GALNTL6: variants seen among roughly 807,000 people sequenced by gnomAD.
GALNTL6 encodes polypeptide N-acetylgalactosaminyltransferase-like 6.
Under a neutral mutation model 73.7 loss-of-function variants are expected in GALNTL6, and 46 were observed. The observed-to-expected ratio is 0.62, with a 90% confidence interval of 0.49 to 0.80. The LOEUF (loss-of-function observed/expected upper bound fraction) is 0.80, where lower values mean the gene tolerates loss of function less well. GALNTL6 is among the 30% of genes least tolerant of loss of function. The pLI, the probability that GALNTL6 is intolerant of heterozygous loss-of-function variation, is 0.00. For missense variants in GALNTL6, 604 were observed against 755.0 expected (o/e 0.80, Z 2.34); for synonymous variants, 259 against 263.7 (o/e 0.98, Z 0.17).
At chr4:172,264,524 T>G (rs1439189318) in intron 3 of GALNTL6, among the ~76,000 whole-genome samples, 1 of 141,062 alleles carries the variant, frequency 7.1e-6, no homozygotes, top group Non-Finnish European at 1.5e-5. Flanking sequence ...ATTATATTTA[T>G]ATTTAAATAA....
Position 172,073,481 on chromosome 4 carries a change from G to A in GALNTL6, c.139-156175G>A, listed in dbSNP as rs541579471. On this transcript the variant is annotated intron_variant, in intron 2 of 12. Transcript: ENST00000506823. ...TATTCAGGTTTTTTGGAATATGGAAGAGTAGGGTGCCTTCTGGAGATAACA... is the reference window on the plus strand; with the variant it reads ...TATTCAGGTTTTTTGGAATATGGAAAAGTAGGGTGCCTTCTGGAGATAACA... Among the ~76,000 whole-genome samples the A allele has an allele frequency of 2.6e-5, 4 of 152,286 alleles. No individual in the cohort carries two copies. The East Asian group carries it at 7.7e-4, about 29-fold the overall frequency.
chr4:171,914,275 G>T (rs1364382678), intron 2 of GALNTL6, among the ~76,000 whole-genome samples: 1 of 151,956 alleles, frequency 6.6e-6, no homozygotes, highest in East Asian at 1.9e-4. Flanking sequence ...TACTTAAAAA[G>T]AAAGAGACCT....
chr4:172,699,230 G>A (rs1206234737), intron 5 of GALNTL6, among the ~76,000 whole-genome samples: 1 of 152,068 alleles, frequency 6.6e-6, no homozygotes, highest in East Asian at 1.9e-4. Context: ...CTGGGGACTA[G>A]GATTTCAACA....
Position 172,831,157 on chromosome 4 carries a change from C to CAA in GALNTL6, c.923+17466_923+17467dup, listed in dbSNP as rs60870698. Among the ~76,000 whole-genome samples, 35 of 63,898 alleles carry CAA rather than the reference C, an allele frequency of 5.5e-4. 1 individual carries two copies. The highest frequency in any genetic ancestry group is 1.9e-3 in the African/African-American group (30 of 16,206). The allele number at this position is 63,898 out of a possible 152,430, so 41.9% of individuals were successfully genotyped here. On this transcript the variant is annotated intron_variant, in intron 7 of 12. Transcript: ENST00000506823. ...TGGGTGACAGAATGAGACTCCCTCT[C>CAA]AAAAAAAAAAAAAAAAAAAAAAAAA...
At chr4:172,390,247 C>G (rs1257414702) in intron 5 of GALNTL6, among the ~76,000 whole-genome samples, 1 of 152,042 alleles carries the variant, frequency 6.6e-6, no homozygotes, top group East Asian at 1.9e-4. Context: ...GCAATTGATG[C>G]TTTTAACATA....
At chr4:172,296,274 A>G (rs1739669194) in intron 3 of GALNTL6, among the ~76,000 whole-genome samples, 1 of 152,202 alleles carries the variant, frequency 6.6e-6, no homozygotes, top group African/African-American at 2.4e-5. Flanking sequence ...TGTATTTATT[A>G]TATTGAATGT....
chr4:172,021,911 T>C (rs1299477446), intron 2 of GALNTL6, among the ~76,000 whole-genome samples: 1 of 152,050 alleles, frequency 6.6e-6, no homozygotes, highest in Non-Finnish European at 1.5e-5. Flanking sequence ...TAGATTCCTA[T>C]GCTTTCCATA....
At chr4:171,847,880 G>A (rs1287874580) in intron 2 of GALNTL6, among the ~76,000 whole-genome samples, 1 of 151,888 alleles carries the variant, frequency 6.6e-6, no homozygotes, top group Non-Finnish European at 1.5e-5. Flanking sequence ...CATGAGCATT[G>A]GAATCAATTT....
intron 5 of GALNTL6, among the ~76,000 whole-genome samples, chr4:172,368,008 T>G (rs1742632438): frequency 6.6e-6 from 1 of 152,228 alleles, no homozygotes; most frequent in Non-Finnish European, 1.5e-5. Context: ...TCAAAATGTG[T>G]CACAGAAATT....
intron 7 of GALNTL6, among the ~76,000 whole-genome samples, chr4:172,841,688 T>A (rs1262095216): frequency 6.6e-6 from 1 of 152,108 alleles, no homozygotes; most frequent in African/African-American, 2.4e-5. Flanking sequence ...CCGTTAGGTC[T>A]CATGAAAATC....
At chr4:173,030,836 C>G (rs1753426588) in intron 12 of GALNTL6, among the ~76,000 whole-genome samples, 1 of 108,272 alleles carries the variant, frequency 9.2e-6, no homozygotes, top group African/African-American at 4.4e-5. Flanking sequence ...CCTGTCTCTA[C>G]CAAAAAAAAA....
chr4:172,908,944 A>T (rs1747054155), intron 8 of GALNTL6, among the ~76,000 whole-genome samples: 2 of 152,042 alleles, frequency 1.3e-5, no homozygotes, highest in Admixed American at 1.3e-4. Flanking sequence ...GAAATAGAAT[A>T]ATAAGAAAAT....
intron 2 of GALNTL6, among the ~76,000 whole-genome samples, chr4:171,904,517 AT>A (rs1009760423): frequency 1.1e-4 from 16 of 152,202 alleles, no homozygotes. Flanking sequence ...TCTGCGTCTG[AT>A]TGGTGTACAT....
chr4:172,398,537 G>A (rs776220321), intron 5 of GALNTL6, among the ~76,000 whole-genome samples: 48 of 152,062 alleles, frequency 3.2e-4, no homozygotes, highest in South Asian at 6.2e-4. Flanking sequence ...CTTTGCAATC[G>A]TTTATTGCTT....
At chr4:172,487,309 T>A in intron 5 of GALNTL6, among the ~76,000 whole-genome samples, 1 of 112,988 alleles carries the variant, frequency 8.9e-6, no homozygotes, top group Non-Finnish European at 2.0e-5. Context: ...TGTCTTTCTT[T>A]CTTTCTTTCT....
chr4:171,987,776 A>G (rs191414238), intron 2 of GALNTL6, among the ~76,000 whole-genome samples: 3,563 of 152,192 alleles, frequency 0.023, 136 homozygotes, highest in African/African-American at 0.079. Context: ...TGGTGGAACC[A>G]CCATCAATAA....
At chr4:172,866,351 T>G (rs1046611827) in intron 7 of GALNTL6, among the ~76,000 whole-genome samples, 4 of 152,054 alleles carry the variant, frequency 2.6e-5, no homozygotes, top group Non-Finnish European at 4.4e-5. Context: ...AGGCTAGGCT[T>G]TGGTGTCACA....
chr4:172,663,483 C>T (rs771364800), intron 5 of GALNTL6, among the ~76,000 whole-genome samples: 5 of 152,180 alleles, frequency 3.3e-5, no homozygotes, highest in Admixed American at 6.5e-5. Context: ...CCTCCCTAAG[C>T]GGGACAACCC....
chr4:172,865,738 T>C (rs1744630201), intron 7 of GALNTL6, among the ~76,000 whole-genome samples: 1 of 152,196 alleles, frequency 6.6e-6, no homozygotes. Flanking sequence ...ACTTTCCTCC[T>C]GTCTCTCTCT....
Sources: gnomAD v4.1 joint callset for allele counts (sites outside exome capture counted in the v4.1 genomes callset) on GRCh38, gnomAD v4.1.1 for gene constraint, MANE v1.5 for transcripts, NCBI Gene and HGNC (gene_info 2026-07-23, HGNC 2026-07-21) for gene names.